Variants in COL1A2 observed in about 807,000 individuals in gnomAD.
COL1A2 encodes collagen type I alpha 2 chain, also known as collagen alpha-2(I) chain.
Under a neutral mutation model 174.3 loss-of-function variants are expected in COL1A2, and 49 were observed. The observed-to-expected ratio is 0.28, with a 90% confidence interval of 0.22 to 0.36. COL1A2 has a LOEUF of 0.36. Among genes scored for constraint, COL1A2 ranks in the 10% least tolerant of loss-of-function variants. The pLI, the probability that COL1A2 is intolerant of heterozygous loss-of-function variation, is 1.00. For synonymous variants in COL1A2, 655 were observed against 606.6 expected (o/e 1.08, Z -1.17); for missense variants, 1,438 against 1,822.7 (o/e 0.79, Z 3.84).
intron 19 of COL1A2, 34 bp from the exon 20 acceptor site, chr7:94,410,208 T>C: frequency 1.2e-6 from 2 of 1,609,740 alleles, no homozygotes; most frequent in Non-Finnish European, 1.7e-6. Flanking sequence ...AACAAATGTT[T>C]GTCCTTTGAC....
rs1295789281 is a variant in COL1A2 at position 94,408,430 on chromosome 7, G to A, written c.738+50G>A. On this transcript the variant is annotated intron_variant, in intron 15 of 51. Transcript: ENST00000297268. Reference sequence around the variant, plus strand: ...GAAAGGAGTTGAGAATGTGGGGTGGGTGCTGTCTTCTTCATTAATCTCTTA... The same window carrying A: ...GAAAGGAGTTGAGAATGTGGGGTGGATGCTGTCTTCTTCATTAATCTCTTA... 2.5e-6 allele frequency: 4 copies of A among 1,580,782 alleles called. No homozygotes were observed. In the East Asian group the frequency reaches 6.7e-5, roughly 27 times the overall value.
rs1791879517 is a variant in COL1A2 at position 94,409,764 on chromosome 7, C to A, written c.978C>A (p.Pro326=). ...CTGGGGCTCCCGGCCTCCCTGGACC[C>A]CGCGGTATTCCTGGCCCTGTTGGTG... ...GVAGAPGLPG[P]RGIPGPVGAA... is the part of the protein sequence containing the mutation. The change falls in exon 19 of 52, where the codon CCC becomes CCA. Residue 326 remains proline (P), a synonymous_variant. Coordinates refer to ENST00000297268, the MANE Select transcript of COL1A2 (RefSeq NM_000089.4). 2 of 1,614,044 alleles carry A rather than the reference C, an allele frequency of 1.2e-6. No individual in the cohort carries two copies. Among genetic ancestry groups the A allele is most frequent in the African/African-American group, 2.7e-5 (2 of 74,920 alleles).
intron 48 of COL1A2, 27 bp from the exon 49 acceptor site, chr7:94,427,600 T>A (rs1235888533): frequency 6.2e-7 from 1 of 1,613,726 alleles, no homozygotes; most frequent in Admixed American, 1.7e-5. Flanking sequence ...ATATAAAGCC[T>A]CTCCTATCTC....
At chr7:94,397,919 A>G (rs892663326) in intron 2 of COL1A2, among the ~76,000 whole-genome samples, 161 bp downstream of exon 2, 3 of 152,094 alleles carry the variant, frequency 2.0e-5, no homozygotes, top group Non-Finnish European at 4.4e-5. Context: ...TGGCTGCCTT[A>G]GAAAGTACCC....
rs1264692843 is a variant in COL1A2, at chr7:94,429,240, C to T, written c.3764C>T (p.Ala1255Val). The T allele has an allele frequency of 1.2e-6, 2 of 1,613,378 alleles. No homozygotes were observed. Among genetic ancestry groups the T allele is most frequent in the Non-Finnish European group, 1.7e-6 (2 of 1,179,594 alleles). ...VTSKEMATQL[A>V]FMRLLANYAS... ...TCCAAGGAAATGGCTACCCAACTTG[C>T]CTTCATGCGCCTGCTGGCCAACTAT... The change falls in exon 51 of 52, where the codon GCC (alanine) becomes GTC (valine). Residue 1255 changes from alanine (A) to valine (V), a missense_variant. By Grantham distance (64) the Ala-to-Val change is moderately conservative. Coordinates refer to ENST00000297268, the MANE Select transcript of COL1A2 (RefSeq NM_000089.4).
chr7:94,405,346 C>A, intron 10 of COL1A2, 94 bp downstream of exon 10: 3 of 1,198,760 alleles, frequency 2.5e-6, no homozygotes, highest in South Asian at 1.3e-5. Flanking sequence ...ACATAGATGT[C>A]ACCCAAACTC....
intron 1 of COL1A2, among the ~76,000 whole-genome samples, chr7:94,397,309 A>G (rs939264738): frequency 2.0e-5 from 3 of 152,166 alleles, no homozygotes; most frequent in African/African-American, 4.8e-5. Context: ...ATTTTAAGGT[A>G]ACATACTTTC....
chr7:94,426,389 G>A (rs771190443), intron 45 of COL1A2, 34 bp from the exon 46 acceptor site: 17 of 1,538,966 alleles, frequency 1.1e-5, no homozygotes, highest in Middle Eastern at 1.7e-4. Flanking sequence ...TTTTTAAAAC[G>A]GTAAGTCTTA....
Position 94,405,662 on chromosome 7 carries a change from T to C in COL1A2, c.487-11T>C, listed in dbSNP as rs376945377. On this transcript the variant is annotated splice_polypyrimidine_tract_variant and intron_variant, in intron 10 of 51. Transcript: ENST00000297268. Reference sequence around the variant, plus strand: ...AAACATTATTCACCATCTTCTGTATTTCTTTCTAAGGGTGCTCGTGGTTTC... The same window carrying C: ...AAACATTATTCACCATCTTCTGTATCTCTTTCTAAGGGTGCTCGTGGTTTC... The C allele has an allele frequency of 9.3e-6, 15 of 1,608,414 alleles. No homozygotes were observed. The highest frequency in any genetic ancestry group is 1.0e-5 in the Non-Finnish European group (12 of 1,174,796).
At chr7:94,403,025 T>C (rs1713531857) in intron 6 of COL1A2, among the ~76,000 whole-genome samples, 1 of 152,170 alleles carries the variant, frequency 6.6e-6, no homozygotes. Flanking sequence ...TTTGTTTATA[T>C]TGGATTTTTG....
rs189041834 is a variant in COL1A2, at chr7:94,416,296, T to G, written c.1765-109T>G. 1,113 of 936,838 alleles carry G rather than the reference T, an allele frequency of 1.2e-3. 8 individuals carry two copies. The highest frequency in any genetic ancestry group is 4.2e-4 in the Non-Finnish European group (255 of 614,192). 58.0% of individuals were successfully genotyped at this position (936,838 alleles called of 1,614,324 possible). A position where few individuals can be genotyped will look rare whatever the true frequency, so the allele number is the denominator to read the frequency against. On this transcript the variant is annotated intron_variant, in intron 30 of 51. Coordinates refer to ENST00000297268, the MANE Select transcript of COL1A2 (RefSeq NM_000089.4). ...AACAAAAGAAATTTTAATTTGCTAA[T>G]AAATGCAAACCAGGGCTCGGAAGCT...
chr7:94,395,410 A>C (rs980376597), intron 1 of COL1A2: 7 of 393,294 alleles, frequency 1.8e-5, no homozygotes, highest in African/African-American at 1.5e-4. Context: ...AGGATGAGAT[A>C]TTAACGACCA....
intron 38 of COL1A2, 157 bp downstream of exon 38, chr7:94,421,219 C>G: frequency 2.7e-6 from 2 of 751,814 alleles, no homozygotes; most frequent in Non-Finnish European, 4.6e-6. Flanking sequence ...TTGATGTTAA[C>G]TTGAACTCAG....
Position 94,426,439 on chromosome 7 carries a change from G to T in COL1A2, c.3014G>T (p.Arg1005Leu), listed in dbSNP as rs200357942. The T allele has an allele frequency of 6.2e-7, 1 of 1,600,870 alleles. No individual in the cohort carries two copies. The highest frequency in any genetic ancestry group is 8.5e-7 in the Non-Finnish European group (1 of 1,174,064). The stretch of plus-strand genomic sequence containing the variant: ...TCTTTATAGGGCCCACAAGGCATTC[G>T]TGGCGATAAGGGAGAGCCCGGTGAA... ...PRGPSGPQGIRGDKGEPGEKG... is the reference protein window; with the variant it reads ...PRGPSGPQGILGDKGEPGEKG... Residue 1005 changes from arginine to leucine, a missense_variant, in exon 46 of 52, where the codon CGT (arginine) becomes CTT (leucine). Arg to Leu is a moderately radical substitution (Grantham distance 102, BLOSUM62 -2). Transcript: ENST00000297268.
chr7:94,418,187 A>G (rs1002640527), intron 32 of COL1A2, among the ~76,000 whole-genome samples: 1 of 152,228 alleles, frequency 6.6e-6, no homozygotes, highest in African/African-American at 2.4e-5. Flanking sequence ...CAGGCGCTGC[A>G]GCCCATTGTG....
In COL1A2 at chr7:94,420,447, G is replaced by A. The variant is rs760375658; in HGVS notation, c.2187+3G>A. 1.2e-6 allele frequency: 2 copies of A among 1,614,246 alleles called. No homozygotes were observed. The highest frequency in any genetic ancestry group is 1.7e-6 in the Non-Finnish European group (2 of 1,180,038). On this transcript the variant is annotated splice_donor_region_variant and intron_variant, in intron 36 of 51. Transcript: ENST00000297268. ...CCAATGGATTTGCTGGTCCTGCTGT[G>A]AGTATCACATAATGAAGATTAATCT... is the stretch of plus-strand genomic sequence containing the variant.
Position 94,423,044 on chromosome 7 carries a change from A to G in COL1A2, c.2491A>G (p.Thr831Ala). 6.2e-7 allele frequency: 1 copy of G among 1,614,104 alleles called. No individual in the cohort carries two copies. Among genetic ancestry groups the G allele is most frequent in the East Asian group, 2.2e-5 (1 of 44,882 alleles). ...PRGDQGPVGR[T>A]GEVGAVGPPG... ...TGGTGACCAAGGTCCAGTTGGCCGA[A>G]CTGGAGAAGTAGGTGCAGTTGGTCC... Residue 831 changes from threonine to alanine, a missense_variant, in exon 40 of 52, where the codon ACT becomes GCT. Thr to Ala is a moderately conservative substitution (Grantham distance 58). Around this residue, in one of 3 missense-constraint regions of COL1A2, gnomAD observed 867 missense variants for 1,213.7 expected, o/e 0.71. Transcript: ENST00000297268.
At chr7:94,427,540 T>C in intron 48 of COL1A2, 87 bp from the exon 49 acceptor site, 1 of 1,466,650 alleles carries the variant, frequency 6.8e-7, no homozygotes, top group South Asian at 1.1e-5. Flanking sequence ...TGCTTCCGTG[T>C]GAAGCTCAAC....
At chr7:94,419,756 T>C (rs1467814225) in intron 34 of COL1A2, among the ~76,000 whole-genome samples, 4 of 152,180 alleles carry the variant, frequency 2.6e-5, no homozygotes, top group Admixed American at 6.5e-5. Flanking sequence ...AGCTATCTGA[T>C]CTATACTCTA....
Sources: gnomAD v4.1 joint callset for allele counts (sites outside exome capture counted in the v4.1 genomes callset) on GRCh38, gnomAD v4.1.1 for gene constraint, gnomAD v4.1.1 regional missense constraint, MANE v1.5 for transcripts, NCBI Gene and HGNC (gene_info 2026-07-23, HGNC 2026-07-21) for gene names.